Variants in FCER1A observed in about 807,000 individuals in gnomAD.
The protein encoded by FCER1A is Fc epsilon receptor Ia.
In FCER1A, 24 loss-of-function variants were observed where a neutral mutation model predicts 23.6. That is an observed-to-expected ratio of 1.02 (90% CI 0.74 to 1.43). The LOEUF (loss-of-function observed/expected upper bound fraction) is 1.43, where lower values mean the gene tolerates loss of function less well. FCER1A is among the 40% of genes most tolerant of loss of function. The pLI is 0.00. For synonymous variants in FCER1A, 121 were observed against 108.8 expected (o/e 1.11, Z -0.70); for missense variants, 318 against 294.5 (o/e 1.08, Z -0.58).
In FCER1A at chr1:159,307,735, T is replaced by C; in HGVS notation, c.590-13T>C. ...TGAATTATGTTTCTCATTGCATCTG[T>C]GTTCCACTACAGCTCCGCGTGAGAA... On this transcript the variant is annotated splice_polypyrimidine_tract_variant and intron_variant, in intron 4 of 4. Coordinates refer to ENST00000693622, the MANE Select transcript of FCER1A (RefSeq NM_001387280.1). The C allele has an allele frequency of 6.4e-7, 1 of 1,569,654 alleles. No homozygotes were observed. Among genetic ancestry groups the C allele is most frequent in the Non-Finnish European group, 8.7e-7 (1 of 1,146,166 alleles).
chr1:159,302,251 A>G, upstream of FCER1A: 1 of 774,758 alleles, frequency 1.3e-6, no homozygotes, highest in South Asian at 1.5e-5. Context: ...GGCACAGCTG[A>G]TGGGTTAACC....
intron 1 of FCER1A, among the ~76,000 whole-genome samples, chr1:159,291,650 C>T (rs1652156362): frequency 6.6e-6 from 1 of 152,140 alleles, no homozygotes. Flanking sequence ...TCTCTGCTTA[C>T]TGAATTATTC....
chr1:159,301,925 A>G (rs979541428), upstream of FCER1A, among the ~76,000 whole-genome samples: 1 of 152,198 alleles, frequency 6.6e-6, no homozygotes, highest in South Asian at 2.1e-4. Flanking sequence ...ACTTTATAGG[A>G]TTATTGTGAA....
At chr1:159,286,556 TC>T (rs770053402), upstream of FCER1A, among the ~76,000 whole-genome samples, 10 of 152,104 alleles carry the variant, frequency 6.6e-5, no homozygotes, top group Non-Finnish European at 1.3e-4. Flanking sequence ...ATGGTCTCGA[TC>T]TCCTGACCTT....
Position 159,306,229 on chromosome 1 carries a change from C to T in FCER1A, c.573C>T (p.Asn191=), listed in dbSNP as rs1303134918. The change falls in exon 4 of 5, where the codon AAC becomes AAT. Residue 191 remains asparagine, a synonymous_variant. Transcript: ENST00000693622. The part of the protein sequence containing the change: ...WQLDYESEPL[N]ITVIKAPREK... ...TGGACTATGAGTCTGAGCCCCTCAA[C>T]ATTACTGTAATAAAAGGTGAGTTGG... The T allele has an allele frequency of 4.3e-6, 7 of 1,613,604 alleles. No homozygotes were observed. Among genetic ancestry groups the T allele is most frequent in the Non-Finnish European group, 5.1e-6 (6 of 1,179,862 alleles).
intron 4 of FCER1A, 35 bp from the exon 5 acceptor site, chr1:159,307,713 A>T (rs1652655840): frequency 1.3e-6 from 2 of 1,499,494 alleles, no homozygotes; most frequent in Non-Finnish European, 1.8e-6. Flanking sequence ...CCCAAGATGA[A>T]TTATGTTTCT....
intron 1 of FCER1A, 110 bp from the exon 2 acceptor site, chr1:159,302,744 T>C: frequency 1.0e-6 from 1 of 956,964 alleles, no homozygotes; most frequent in Non-Finnish European, 1.7e-6. Flanking sequence ...AAAAGACGGT[T>C]GGTCCTTAAA....
upstream of FCER1A, among the ~76,000 whole-genome samples, chr1:159,299,500 C>T (rs1473638120): frequency 6.6e-6 from 1 of 152,142 alleles, no homozygotes; most frequent in Admixed American, 6.5e-5. Context: ...CCCTGTAGCT[C>T]ATGTACAGCC....
chr1:159,288,827 GCAGA>G (rs1652080321), upstream of FCER1A, among the ~76,000 whole-genome samples: 1 of 152,026 alleles, frequency 6.6e-6, no homozygotes, highest in African/African-American at 2.4e-5. Context: ...TAAAGCAGCA[GCAGA>G]AACAACAACA....
the FCER1A span, among the ~76,000 whole-genome samples, chr1:159,284,346 C>T: frequency 1.3e-5 from 2 of 152,202 alleles, no homozygotes; most frequent in African/African-American, 4.8e-5. Flanking sequence ...ATTCTCTGAT[C>T]CTGCTGGAGG....
At chr1:159,292,293 CT>C (rs1652172745) in intron 1 of FCER1A, among the ~76,000 whole-genome samples, 1 of 152,064 alleles carries the variant, frequency 6.6e-6, no homozygotes, top group African/African-American at 2.4e-5. Flanking sequence ...AATAAAGATG[CT>C]TCAAACTAAA....
At chr1:159,304,468 G>T (rs548950243) in intron 3 of FCER1A, among the ~76,000 whole-genome samples, 2 of 152,132 alleles carry the variant, frequency 1.3e-5, no homozygotes, top group Admixed American at 1.3e-4. Context: ...TTAGCCGGGC[G>T]TAGTGGTGGG....
chr1:159,300,234 C>A (rs967776466), upstream of FCER1A, among the ~76,000 whole-genome samples: 2 of 152,132 alleles, frequency 1.3e-5, no homozygotes, highest in Non-Finnish European at 2.9e-5. Context: ...CCTGCTCCAT[C>A]TCCCATCTAA....
At chr1:159,287,423 A>G (rs1652042967), upstream of FCER1A, among the ~76,000 whole-genome samples, 1 of 152,162 alleles carries the variant, frequency 6.6e-6, no homozygotes, top group Non-Finnish European at 1.5e-5. Flanking sequence ...GAGGACTGGC[A>G]GGCCATCGGT....
rs1652674978 is a variant in FCER1A, at chr1:159,308,200, C to T, written c.*268C>T. The T allele has an allele frequency of 3.0e-6, 1 of 338,162 alleles. No homozygotes were observed. Among genetic ancestry groups the T allele is most frequent in the African/African-American group, 2.1e-5 (1 of 47,802 alleles). 20.9% of individuals were successfully genotyped at this position (338,162 alleles called of 1,614,324 possible). On this transcript the variant is annotated 3_prime_UTR_variant, in exon 5 of 5. Transcript: ENST00000693622. Reference sequence around the variant, plus strand: ...CAATTTCAATAAAATAAATATAAAACCATGTAACAGAATGCTTCTGAGTAT... The same window carrying T: ...CAATTTCAATAAAATAAATATAAAATCATGTAACAGAATGCTTCTGAGTAT...
intron 3 of FCER1A, among the ~76,000 whole-genome samples, chr1:159,305,276 A>C (rs929740894): frequency 2.6e-5 from 4 of 152,218 alleles, no homozygotes; most frequent in Non-Finnish European, 5.9e-5. Context: ...TTTCCTTTCA[A>C]AATTCTCCTT....
chr1:159,307,733 T>C lies in FCER1A; in HGVS notation c.590-15T>C, dbSNP rs1308989795. 3 of 1,561,702 alleles carry C rather than the reference T, an allele frequency of 1.9e-6. No individual in the cohort carries two copies. The highest frequency in any genetic ancestry group is 4.5e-5 in the East Asian group (2 of 44,130). ...GATGAATTATGTTTCTCATTGCATC[T>C]GTGTTCCACTACAGCTCCGCGTGAG... On this transcript the variant is annotated splice_polypyrimidine_tract_variant and intron_variant, in intron 4 of 4. Transcript: ENST00000693622.
upstream of FCER1A, chr1:159,302,269 A>T: frequency 1.2e-6 from 1 of 868,454 alleles, no homozygotes; most frequent in Non-Finnish European, 2.0e-6. Flanking sequence ...ACCAGATATG[A>T]TACAGAAAAC....
chr1:159,306,366 A>G, intron 4 of FCER1A, 121 bp downstream of exon 4: 1 of 851,906 alleles, frequency 1.2e-6, no homozygotes, highest in Non-Finnish European at 1.8e-6. Context: ...AGCCTACCAG[A>G]CTTGCAATGA....
Sources: gnomAD v4.1 joint callset for allele counts (sites outside exome capture counted in the v4.1 genomes callset) on GRCh38, gnomAD v4.1.1 for gene constraint, MANE v1.5 for transcripts, NCBI Gene and HGNC (gene_info 2026-07-23, HGNC 2026-07-21) for gene names.